The following BLTP3B variants were observed in gnomAD, a reference collection of about 807,000 sequenced individuals.
BLTP3B encodes the protein UHRF1 (ICBP90) binding protein 1-like.
chr12:100,103,967 T>A, the BLTP3B span: 1 of 1,594,708 alleles, frequency 6.3e-7, no homozygotes, highest in Non-Finnish European at 8.5e-7. Context: ...AATGAAAAAT[T>A]TTTAATTTAA....
chr12:100,082,203 G>A, the BLTP3B span, among the ~76,000 whole-genome samples: 1 of 152,140 alleles, frequency 6.6e-6, no homozygotes, highest in Non-Finnish European at 1.5e-5. Flanking sequence ...CTGCACATAT[G>A]TCTTCTTTTG....
the BLTP3B span, among the ~76,000 whole-genome samples, chr12:100,116,582 G>A: frequency 1.3e-5 from 2 of 151,648 alleles, no homozygotes; most frequent in Non-Finnish European, 2.9e-5. Flanking sequence ...AGGAACAGAA[G>A]AGAACTTCCC....
At chr12:100,095,559 C>T in the BLTP3B span, 8 of 1,277,866 alleles carry the variant, frequency 6.3e-6, no homozygotes, top group Non-Finnish European at 7.5e-6. Flanking sequence ...GATTCTTGTA[C>T]TCAAAACCTC....
chr12:100,082,816 T>C, the BLTP3B span, among the ~76,000 whole-genome samples: 1 of 152,224 alleles, frequency 6.6e-6, no homozygotes, highest in Non-Finnish European at 1.5e-5. Context: ...TTAAGGACTG[T>C]GCCTATAAAG....
the BLTP3B span, chr12:100,058,974 A>G: frequency 3.1e-6 from 5 of 1,614,098 alleles, no homozygotes; most frequent in Non-Finnish European, 3.4e-6. Flanking sequence ...CTCCTTCAAG[A>G]GCTTCTTCCG....
At chr12:100,051,296 C>A in the BLTP3B span, 1 of 1,313,628 alleles carries the variant, frequency 7.6e-7, no homozygotes, top group African/African-American at 1.5e-5. Context: ...GCTTATTTAA[C>A]AAAAATGGAC....
chr12:100,128,806 A>C, the BLTP3B span: 1 of 1,165,726 alleles, frequency 8.6e-7, no homozygotes, highest in South Asian at 1.6e-5. Context: ...GATTAAAAAA[A>C]TTTAGCTGTG....
chr12:100,142,838 G>C, the BLTP3B span: 20 of 674,824 alleles, frequency 3.0e-5, no homozygotes, highest in Non-Finnish European at 4.4e-5. Context: ...CGGCCGCCGC[G>C]GGCGCCATCT....
the BLTP3B span, among the ~76,000 whole-genome samples, chr12:100,062,953 G>A: frequency 1.3e-5 from 2 of 150,196 alleles, no homozygotes; most frequent in Non-Finnish European, 3.0e-5. Flanking sequence ...GAGTGAGGCT[G>A]TCTCAAAAAA....
chr12:100,094,516 C>T, the BLTP3B span, among the ~76,000 whole-genome samples: 4 of 152,168 alleles, frequency 2.6e-5, no homozygotes, highest in Non-Finnish European at 5.9e-5. Flanking sequence ...TACCCCTGCA[C>T]CTTAGGAAAT....
chr12:100,123,588 C>A, the BLTP3B span, among the ~76,000 whole-genome samples: 1 of 152,196 alleles, frequency 6.6e-6, no homozygotes, highest in African/African-American at 2.4e-5. Context: ...CCCTCCGTCA[C>A]CCCAGTCCTT....
the BLTP3B span, among the ~76,000 whole-genome samples, chr12:100,130,974 A>G: frequency 3.1e-3 from 315 of 100,552 alleles, 1 homozygote; most frequent in African/African-American, 0.016. Flanking sequence ...AGAGAGAGAG[A>G]GAGGGAGGGA....
chr12:100,110,072 C>T, the BLTP3B span, among the ~76,000 whole-genome samples: 1 of 151,924 alleles, frequency 6.6e-6, no homozygotes, highest in Non-Finnish European at 1.5e-5. Context: ...CTAACTATGC[C>T]CAACAAATAA....
the BLTP3B span, chr12:100,086,479 C>A: frequency 3.3e-6 from 2 of 607,572 alleles, no homozygotes; most frequent in Non-Finnish European, 5.6e-6. Flanking sequence ...TCTTTTATGA[C>A]GGCACATTAA....
At chr12:100,077,637 T>C in the BLTP3B span, among the ~76,000 whole-genome samples, 1 of 152,188 alleles carries the variant, frequency 6.6e-6, no homozygotes, top group Non-Finnish European at 1.5e-5. Flanking sequence ...GGGGGCAAAA[T>C]TGGTCCCAGA....
At chr12:100,063,318 G>GC in the BLTP3B span, among the ~76,000 whole-genome samples, 3 of 152,304 alleles carry the variant, frequency 2.0e-5, no homozygotes, top group Middle Eastern at 3.4e-3. Context: ...CCCAGTACCA[G>GC]CCCAGAGCCT....
chr12:100,059,366 A>C, the BLTP3B span: 2 of 1,613,888 alleles, frequency 1.2e-6, no homozygotes, highest in Non-Finnish European at 1.7e-6. Flanking sequence ...TATATGTTTT[A>C]CTAAAAAAAT....
the BLTP3B span, among the ~76,000 whole-genome samples, chr12:100,079,763 C>T: frequency 6.6e-6 from 1 of 152,196 alleles, no homozygotes; most frequent in African/African-American, 2.4e-5. Flanking sequence ...GCAGCCCCTC[C>T]CATTATAGGC....
chr12:100,037,606 C>G, the BLTP3B span: 1 of 1,605,666 alleles, frequency 6.2e-7, no homozygotes, highest in Non-Finnish European at 8.5e-7. Flanking sequence ...TACTCCAGAG[C>G]TATAATTTCA....
Sources: allele counts gnomAD v4.1 joint callset (sites outside exome capture counted in the v4.1 genomes callset), GRCh38; gene constraint gnomAD v4.1.1; transcripts MANE v1.5; gene names NCBI Gene and HGNC (gene_info 2026-07-23, HGNC 2026-07-21).